The following SGCZ variants were observed in gnomAD, a reference collection of about 807,000 sequenced individuals.
The protein encoded by SGCZ is sarcoglycan zeta, also known as zeta-sarcoglycan.
SGCZ carries 40 observed loss-of-function variants against 41.3 expected under a neutral mutation model. The ratio of observed to expected loss-of-function variants is 0.97; its 90% CI spans 0.75 to 1.26. The LOEUF (loss-of-function observed/expected upper bound fraction) is 1.26, where lower values mean the gene tolerates loss of function less well. Among genes scored for constraint, SGCZ ranks in the 50% most tolerant of loss-of-function variants. The pLI, the probability that SGCZ is intolerant of heterozygous loss-of-function variation, is 0.00. For missense variants in SGCZ, 552 were observed against 369.8 expected (o/e 1.49, Z -4.04); for synonymous variants, 206 against 137.5 (o/e 1.50, Z -3.49).
At chr8:14,592,810 G>A (rs953657108) in intron 1 of SGCZ, among the ~76,000 whole-genome samples, 3 of 152,170 alleles carry the variant, frequency 2.0e-5, no homozygotes, top group Admixed American at 2.0e-4. Flanking sequence ...GGAAATCAGA[G>A]TGGCTCTTAG....
chr8:14,789,518 A>T (rs1800880065), intron 1 of SGCZ, among the ~76,000 whole-genome samples: 1 of 152,182 alleles, frequency 6.6e-6, no homozygotes, highest in Admixed American at 6.5e-5. Context: ...AATTTCCAAA[A>T]TATATGAGTT....
At chr8:14,707,252 C>A (rs2117614302) in intron 1 of SGCZ, among the ~76,000 whole-genome samples, 1 of 139,768 alleles carries the variant, frequency 7.2e-6, no homozygotes, top group South Asian at 2.3e-4. Flanking sequence ...TCTCATTGTT[C>A]AATTACCACC....
chr8:14,800,156 TC>T (rs200374779), intron 1 of SGCZ, among the ~76,000 whole-genome samples: 1 of 105,890 alleles, frequency 9.4e-6, no homozygotes, highest in African/African-American at 3.4e-5. Context: ...ATATTTTGCC[TC>T]CTTTTTTTCA....
At chr8:14,415,828 G>A (rs1319612081) in intron 2 of SGCZ, among the ~76,000 whole-genome samples, 1 of 151,928 alleles carries the variant, frequency 6.6e-6, no homozygotes, top group Admixed American at 6.6e-5. Flanking sequence ...CAGATGATCA[G>A]TGCATTGAAT....
At chr8:15,175,812 T>C (rs1799981109) in intron 1 of SGCZ, among the ~76,000 whole-genome samples, 1 of 151,870 alleles carries the variant, frequency 6.6e-6, no homozygotes, top group African/African-American at 2.4e-5. Flanking sequence ...TTTAGGTAAA[T>C]GGGGAAAGAA....
chr8:14,823,009 G>A (rs1043822322), intron 1 of SGCZ, among the ~76,000 whole-genome samples: 35 of 139,150 alleles, frequency 2.5e-4, no homozygotes, highest in Admixed American at 5.6e-4. Flanking sequence ...AGCCAAGATC[G>A]CGCCACTGCA....
chr8:14,330,173 G>A (rs1802262193), intron 2 of SGCZ, among the ~76,000 whole-genome samples: 1 of 151,942 alleles, frequency 6.6e-6, no homozygotes, highest in South Asian at 2.1e-4. Context: ...AGTTAACTGT[G>A]TATACATTTT....
intron 1 of SGCZ, among the ~76,000 whole-genome samples, chr8:15,006,336 C>G (rs1028625670): frequency 6.6e-6 from 1 of 152,022 alleles, no homozygotes; most frequent in Non-Finnish European, 1.5e-5. Context: ...GAGTGGCACT[C>G]AAAAATCCCT....
intron 5 of SGCZ, among the ~76,000 whole-genome samples, chr8:14,149,905 G>A (rs1803646758): frequency 6.6e-6 from 1 of 152,058 alleles, no homozygotes; most frequent in Admixed American, 6.6e-5. Flanking sequence ...CAACAAAGGT[G>A]CCAAGAACAT....
chr8:14,907,806 C>G (rs117632335), intron 1 of SGCZ, among the ~76,000 whole-genome samples: 1 of 152,142 alleles, frequency 6.6e-6, no homozygotes, highest in Non-Finnish European at 1.5e-5. Flanking sequence ...TGCAAAGAAG[C>G]GCTAATTCCA....
At chr8:14,990,291 TC>T (rs774539317) in intron 1 of SGCZ, among the ~76,000 whole-genome samples, 13 of 152,082 alleles carry the variant, frequency 8.5e-5, no homozygotes, top group African/African-American at 1.4e-4. Flanking sequence ...ATATACCACA[TC>T]CCTTTTAAAA....
At chr8:14,825,188 C>A (rs1442151575) in intron 1 of SGCZ, among the ~76,000 whole-genome samples, 1 of 152,124 alleles carries the variant, frequency 6.6e-6, no homozygotes, top group African/African-American at 2.4e-5. Context: ...AAACAAAAAT[C>A]TTAACATTAT....
intron 1 of SGCZ, among the ~76,000 whole-genome samples, chr8:14,998,510 C>A (rs750182739): frequency 6.9e-6 from 1 of 144,858 alleles, no homozygotes. Context: ...TCAATTAAAT[C>A]CTTCAAACAG....
intron 4 of SGCZ, among the ~76,000 whole-genome samples, chr8:14,227,137 A>T (rs2117137667): frequency 6.6e-6 from 1 of 152,268 alleles, no homozygotes; most frequent in Non-Finnish European, 1.5e-5. Context: ...ATATGAGGAA[A>T]GAAAGCACAT....
chr8:14,562,603 A>T (rs1036895297), intron 1 of SGCZ, among the ~76,000 whole-genome samples: 7 of 152,156 alleles, frequency 4.6e-5, no homozygotes, highest in African/African-American at 1.7e-4. Context: ...AATGAAGAAG[A>T]GACATAAAAG....
chr8:14,882,234 C>T (rs1367192082), intron 1 of SGCZ, among the ~76,000 whole-genome samples: 1 of 152,106 alleles, frequency 6.6e-6, no homozygotes, highest in Non-Finnish European at 1.5e-5. Flanking sequence ...TATCTGCTCA[C>T]AACATTTTCA....
chr8:14,354,888 G>A (rs1056156534), intron 2 of SGCZ, among the ~76,000 whole-genome samples: 3 of 151,798 alleles, frequency 2.0e-5, no homozygotes, highest in Middle Eastern at 3.4e-3. Flanking sequence ...ATAATATATT[G>A]TAAAATTTTA....
chr8:14,873,313 G>T (rs1225856437), intron 1 of SGCZ, among the ~76,000 whole-genome samples: 2 of 152,092 alleles, frequency 1.3e-5, no homozygotes, highest in Non-Finnish European at 2.9e-5. Context: ...GTGTTGGTAT[G>T]CCCAATTGCC....
At position 14,169,106 on chromosome 8, in the gene SGCZ, G is replaced by A. The variant is rs140974914; in HGVS notation, c.425-4404C>T. On this transcript the variant is annotated intron_variant, in intron 4 of 7. Transcript: ENST00000382080. Reference sequence around the variant, plus strand: ...GTGCTAAGTTCTAAGAGCTAAGGGAGTCTTTGTGTGGCTCTATTATATTCC... The same window carrying A: ...GTGCTAAGTTCTAAGAGCTAAGGGAATCTTTGTGTGGCTCTATTATATTCC... Among the ~76,000 whole-genome samples the A allele has an allele frequency of 7.2e-4, 109 of 152,300 alleles. 1 individual carries two copies. Among genetic ancestry groups the A allele is most frequent in the Admixed American group, 3.2e-3 (49 of 15,296 alleles).
Sources: allele counts gnomAD v4.1 joint callset (sites outside exome capture counted in the v4.1 genomes callset), GRCh38; gene constraint gnomAD v4.1.1; transcripts MANE v1.5; gene names NCBI Gene and HGNC (gene_info 2026-07-23, HGNC 2026-07-21).